NBAS: variants seen among roughly 807,000 people sequenced by gnomAD.
The protein encoded by NBAS is NBAS subunit of NRZ tethering complex, also known as NAG/BC035112 fusion.
Under a neutral mutation model 302.5 loss-of-function variants are expected in NBAS, and 219 were observed. The observed-to-expected ratio is 0.72, with a 90% CI of 0.65 to 0.81. The LOEUF is 0.81. Among genes scored for constraint, NBAS ranks in the 30% least tolerant of loss-of-function variants. NBAS has a pLI of 0.00. For synonymous variants in NBAS, 1,118 were observed against 1,021.6 expected, an observed-to-expected ratio of 1.09 and a Z score of -1.80; for missense variants, 2,932 against 2,841.6, an observed-to-expected ratio of 1.03 and a Z score of -0.72.
At chr2:15,206,064 A>T (rs1666128456) in intron 48 of NBAS, among the ~76,000 whole-genome samples, 1 of 152,278 alleles carries the variant, frequency 6.6e-6, no homozygotes, top group South Asian at 2.1e-4. Context: ...AGAAAACAGG[A>T]AGATGTGGGA....
the NBAS span, among the ~76,000 whole-genome samples, chr2:14,856,031 C>T: frequency 2.6e-5 from 4 of 152,116 alleles, no homozygotes; most frequent in Non-Finnish European, 5.9e-5. Context: ...CATAGAAATG[C>T]TTATATCACT....
At chr2:14,931,201 T>C in the NBAS span, among the ~76,000 whole-genome samples, 30 of 152,338 alleles carry the variant, frequency 2.0e-4, no homozygotes, top group East Asian at 5.0e-3. Flanking sequence ...GGCAGAATCC[T>C]GGAAGATGCC....
At chr2:15,406,361 G>A (rs1298743293) in intron 25 of NBAS, among the ~76,000 whole-genome samples, 8 of 152,022 alleles carry the variant, frequency 5.3e-5, no homozygotes, top group Non-Finnish European at 7.4e-5. Context: ...GAACAACTGC[G>A]TGGTCATTTG....
At chr2:15,025,933 A>G in the NBAS span, among the ~76,000 whole-genome samples, 2 of 152,052 alleles carry the variant, frequency 1.3e-5, no homozygotes, top group Non-Finnish European at 2.9e-5. Flanking sequence ...GCTTCCTCTC[A>G]TCCTATCTGG....
At chr2:15,520,290 T>A (rs1662601533) in intron 9 of NBAS, among the ~76,000 whole-genome samples, 1 of 152,110 alleles carries the variant, frequency 6.6e-6, no homozygotes, top group Non-Finnish European at 1.5e-5. Context: ...TAGTCCCAGT[T>A]ACTCAGAAGG....
At chr2:15,492,763 T>C (rs1045170841) in intron 11 of NBAS, among the ~76,000 whole-genome samples, 3 of 152,064 alleles carry the variant, frequency 2.0e-5, no homozygotes, top group African/African-American at 4.8e-5. Context: ...ACCTGGTCCG[T>C]AGAAACATTT....
chr2:15,278,756 AG>A (rs1174594842), intron 42 of NBAS, among the ~76,000 whole-genome samples: 1 of 152,194 alleles, frequency 6.6e-6, no homozygotes, highest in East Asian at 1.9e-4. Context: ...CACCTGACAA[AG>A]GGCACAAAAT....
intron 11 of NBAS, among the ~76,000 whole-genome samples, chr2:15,489,381 A>T (rs1680762913): frequency 6.6e-6 from 1 of 152,170 alleles, no homozygotes; most frequent in South Asian, 2.1e-4. Flanking sequence ...AATTCCTTAA[A>T]ATTTGGGCCC....
the NBAS span, among the ~76,000 whole-genome samples, chr2:15,075,443 T>C: frequency 1.3e-5 from 2 of 152,200 alleles, no homozygotes. Flanking sequence ...TTTATTTCAC[T>C]GGCTCCCTCA....
At chr2:15,470,457 TA>T (rs1269437230) in intron 16 of NBAS, among the ~76,000 whole-genome samples, 2 of 152,212 alleles carry the variant, frequency 1.3e-5, no homozygotes, top group African/African-American at 4.8e-5. Context: ...CATTTATCCA[TA>T]AAATGTTTAC....
chr2:14,779,774 A>T, the NBAS span, among the ~76,000 whole-genome samples: 1 of 152,212 alleles, frequency 6.6e-6, no homozygotes, highest in African/African-American at 2.4e-5. Context: ...GACCTGAGGA[A>T]AGCAGATTTT....
chr2:15,271,460 A>T (rs1669318783), intron 44 of NBAS, among the ~76,000 whole-genome samples: 1 of 152,112 alleles, frequency 6.6e-6, no homozygotes, highest in Non-Finnish European at 1.5e-5. Flanking sequence ...AAACGGTGGG[A>T]GTTGGAAAGG....
At chr2:14,801,334 T>A in the NBAS span, among the ~76,000 whole-genome samples, 15 of 152,172 alleles carry the variant, frequency 9.9e-5, no homozygotes, top group Non-Finnish European at 8.8e-5. Flanking sequence ...TTGAAATTGC[T>A]CCATAGCTCT....
downstream of NBAS, among the ~76,000 whole-genome samples, chr2:15,162,902 T>C (rs1043214454): frequency 6.6e-6 from 1 of 152,214 alleles, no homozygotes; most frequent in Non-Finnish European, 1.5e-5. Context: ...TGGAGAAAAA[T>C]GCAGGCTCTC....
chr2:15,438,175 T>A (rs1678126762), intron 21 of NBAS, among the ~76,000 whole-genome samples: 2 of 152,252 alleles, frequency 1.3e-5, no homozygotes, highest in African/African-American at 4.8e-5. Context: ...ATTTCCAGAT[T>A]AAGGAAAGCC....
chr2:15,005,341 T>C, the NBAS span, among the ~76,000 whole-genome samples: 1 of 152,266 alleles, frequency 6.6e-6, no homozygotes, highest in Non-Finnish European at 1.5e-5. Context: ...TTCTATGAGT[T>C]TGACTATTTT....
chr2:15,433,963 G>A (rs61006332), intron 21 of NBAS, among the ~76,000 whole-genome samples: 1,881 of 150,704 alleles, frequency 0.012, 32 homozygotes, highest in East Asian at 0.059. Context: ...AAAAAAAAAA[G>A]AAAAGACTAG....
the NBAS span, among the ~76,000 whole-genome samples, chr2:14,888,337 G>A: frequency 4.8e-3 from 735 of 152,028 alleles, 3 homozygotes; most frequent in Non-Finnish European, 7.5e-3. Context: ...CATCATGTTG[G>A]CCAGGCTGCT....
intron 42 of NBAS, among the ~76,000 whole-genome samples, chr2:15,284,161 A>G (rs1035375961): frequency 7.1e-6 from 1 of 141,758 alleles, no homozygotes; most frequent in African/African-American, 2.6e-5. Context: ...CGGGAAATGG[A>G]AAAAAAAAAA....
Sources: gnomAD v4.1 joint callset for allele counts (sites outside exome capture counted in the v4.1 genomes callset) on GRCh38, gnomAD v4.1.1 for gene constraint, MANE v1.5 for transcripts, NCBI Gene and HGNC (gene_info 2026-07-23, HGNC 2026-07-21) for gene names.